COPS8: variants seen among roughly 807,000 people sequenced by gnomAD.
The protein encoded by COPS8 is COP9 signalosome complex subunit 8.
Under a neutral mutation model 31.5 loss-of-function variants are expected in COPS8, and 11 were observed. The ratio of observed to expected loss-of-function variants is 0.35; its 90% CI spans 0.22 to 0.58. The LOEUF is 0.58. COPS8 is among the 20% of genes least tolerant of loss of function. COPS8 has a pLI of 0.83. For synonymous variants in COPS8, 81 were observed against 89.3 expected (o/e 0.91, Z 0.52); for missense variants, 215 against 255.1 (o/e 0.84, Z 1.07).
At chr2:237,087,244 T>C in intron 2 of COPS8, 47 bp downstream of exon 2, 3 of 1,378,460 alleles carry the variant, frequency 2.2e-6, no homozygotes, top group Non-Finnish European at 3.0e-6. Context: ...TTCTCAAAGT[T>C]ATATGGAAAT....
rs762760587 is a variant in COPS8 at position 237,086,048 on chromosome 2, C to G, written c.78+6C>G. 9.3e-6 allele frequency: 15 copies of G among 1,612,246 alleles called. No homozygotes were observed. The highest frequency in any genetic ancestry group is 1.3e-5 in the Non-Finnish European group (15 of 1,178,724). On this transcript the variant is annotated splice_donor_region_variant and intron_variant, in intron 1 of 7. Transcript: ENST00000354371. ...GCGAGAACCAGGAGCTCGAGGTAAC[C>G]CTTTGCGTCGCGCTGGGAGAAACTG...
intron 3 of COPS8, among the ~76,000 whole-genome samples, 182 bp downstream of exon 3, chr2:237,088,835 T>C (rs1696661317): frequency 6.6e-6 from 1 of 152,212 alleles, no homozygotes; most frequent in Non-Finnish European, 1.5e-5. Context: ...TGGGATGGTG[T>C]AGAATTTCTG....
At position 237,099,791 on chromosome 2, in the gene COPS8, G is replaced by A. The variant is rs1296077986; in HGVS notation, c.*2049G>A. 1.3e-5 allele frequency: 2 copies of A among 152,166 alleles called. No individual in the cohort carries two copies. Among genetic ancestry groups the A allele is most frequent in the African/African-American group, 4.8e-5 (2 of 41,446 alleles). 9.4% of individuals were successfully genotyped at this position (152,166 alleles called of 1,614,324 possible). On this transcript the variant is annotated 3_prime_UTR_variant, in exon 8 of 8. Transcript: ENST00000354371. The stretch of plus-strand genomic sequence containing the variant: ...AGCTAATAGTTCCAGGGCAGTAAGT[G>A]TACAAGTTCATATCTGGTACAAGAT...
At chr2:237,088,570 A>G in intron 2 of COPS8, 35 bp from the exon 3 acceptor site, 1 of 1,493,876 alleles carries the variant, frequency 6.7e-7, no homozygotes, top group South Asian at 1.2e-5. Flanking sequence ...TTATGTTTTT[A>G]ATTGATTATT....
intron 4 of COPS8, among the ~76,000 whole-genome samples, chr2:237,091,244 T>C (rs1276942091): frequency 6.6e-6 from 1 of 152,230 alleles, no homozygotes; most frequent in Non-Finnish European, 1.5e-5. Context: ...GGAAAGGCTA[T>C]ATAGCGTACC....
intron 3 of COPS8, among the ~76,000 whole-genome samples, chr2:237,089,433 A>G (rs939252758): frequency 6.6e-6 from 1 of 152,200 alleles, no homozygotes; most frequent in Non-Finnish European, 1.5e-5. Context: ...GAGAGGCTAC[A>G]ATGTATGACA....
rs2106348303 is a variant in COPS8, at chr2:237,098,506, C to A, written c.*764C>A. On this transcript the variant is annotated 3_prime_UTR_variant, in exon 8 of 8. Transcript: ENST00000354371. ...TACACTTTGTACAACTATCCTGCAG[C>A]CCATTGGTTGCTTATATTTATCGCT... The A allele has an allele frequency of 6.6e-6, 1 of 152,322 alleles. No individual in the cohort carries two copies. The highest frequency in any genetic ancestry group is 3.4e-3 in the Middle Eastern group (1 of 294). The allele number at this position is 152,322 out of a possible 1,614,324, so 9.4% of individuals were successfully genotyped here.
chr2:237,086,318 A>G (rs575399962), intron 1 of COPS8, among the ~76,000 whole-genome samples: 2 of 152,102 alleles, frequency 1.3e-5, no homozygotes, highest in African/African-American at 2.4e-5. Context: ...AGCTCATATT[A>G]ATTAGGCATC....
Position 237,097,887 on chromosome 2 carries a change from ATATAC to A in COPS8, c.*150_*154del, listed in dbSNP as rs1329485430. On this transcript the variant is annotated 3_prime_UTR_variant, in exon 8 of 8. Coordinates refer to ENST00000354371, the MANE Select transcript of COPS8 (RefSeq NM_006710.5). The stretch of plus-strand genomic sequence containing the variant: ...TGATAAAATACATATAGAATATAAG[ATATAC>A]TATATACATTTTGTCCATAAACGTT... The A allele has an allele frequency of 1.8e-5, 10 of 556,388 alleles. No homozygotes were observed. Among genetic ancestry groups the A allele is most frequent in the African/African-American group, 3.8e-5 (2 of 52,704 alleles). The allele number at this position is 556,388 out of a possible 1,614,324, so 34.5% of individuals were successfully genotyped here.
At chr2:237,086,888 A>G in intron 1 of COPS8, 2 of 418,574 alleles carry the variant, frequency 4.8e-6, no homozygotes, top group Non-Finnish European at 7.6e-6. Flanking sequence ...CCAAAGGGAG[A>G]TAAATCAAAG....
At chr2:237,089,473 A>G (rs1402548339) in intron 3 of COPS8, among the ~76,000 whole-genome samples, 1 of 152,188 alleles carries the variant, frequency 6.6e-6, no homozygotes, top group African/African-American at 2.4e-5. Flanking sequence ...ATTGTTAACC[A>G]TTTTGCTATT....
chr2:237,086,131 T>A (rs1200415161), intron 1 of COPS8, 89 bp downstream of exon 1: 1 of 1,276,338 alleles, frequency 7.8e-7, no homozygotes, highest in Non-Finnish European at 1.1e-6. Context: ...GGTCTGAGGC[T>A]AGCGGGCTTT....
intron 4 of COPS8, among the ~76,000 whole-genome samples, chr2:237,091,118 G>A (rs183715919): frequency 2.7e-3 from 405 of 152,238 alleles, no homozygotes; most frequent in Non-Finnish European, 5.0e-3. Flanking sequence ...CTCCTTACTC[G>A]TTCAGCAAGC....
Position 237,095,884 on chromosome 2 carries a change from G to T in COPS8, c.502G>T (p.Val168Phe). ...AAGAATGGTTCTGCCCAGAAAGCCAGGTAGGTGGAGCTTTCACCCATTTAC... is the reference window on the plus strand; with the variant it reads ...AAGAATGGTTCTGCCCAGAAAGCCATGTAGGTGGAGCTTTCACCCATTTAC... Reference protein sequence around the residue: ...TTRMVLPRKPVAGALDVSFNK... With the variant: ...TTRMVLPRKPFAGALDVSFNK... The change falls in exon 6 of 8, where the codon GTT (valine) becomes TTT (phenylalanine). Residue 168 changes from valine (V) to phenylalanine (F), a missense_variant and splice_region_variant. By Grantham distance (50) the Val-to-Phe change is conservative. Coordinates refer to ENST00000354371, the MANE Select transcript of COPS8 (RefSeq NM_006710.5). 2 of 1,610,082 alleles carry T rather than the reference G, an allele frequency of 1.2e-6. No homozygotes were observed. The highest frequency in any genetic ancestry group is 1.7e-6 in the Non-Finnish European group (2 of 1,176,376).
chr2:237,094,694 T>G (rs1453726778), intron 5 of COPS8, among the ~76,000 whole-genome samples: 1 of 152,130 alleles, frequency 6.6e-6, no homozygotes, highest in African/African-American at 2.4e-5. Flanking sequence ...CCAGGTGCAG[T>G]GGCTCACACC....
chr2:237,088,563 T>C, intron 2 of COPS8, 42 bp from the exon 3 acceptor site: 1 of 1,435,448 alleles, frequency 7.0e-7, no homozygotes, highest in Non-Finnish European at 9.7e-7. Flanking sequence ...GAGATGATTA[T>C]GTTTTTAATT....
At chr2:237,090,236 T>G (rs2106344884) in intron 4 of COPS8, among the ~76,000 whole-genome samples, 1 of 152,336 alleles carries the variant, frequency 6.6e-6, no homozygotes, top group Non-Finnish European at 1.5e-5. Flanking sequence ...CTCGTCAGTT[T>G]TAAGAGTTTT....
chr2:237,093,770 T>G lies in COPS8; in HGVS notation c.332-320T>G, dbSNP rs531440943. 16 of 1,006,382 alleles carry G rather than the reference T, an allele frequency of 1.6e-5. 1 individual carries two copies. The highest frequency in any genetic ancestry group is 1.9e-5 in the Non-Finnish European group (16 of 844,184). 62.3% of individuals were successfully genotyped at this position (1,006,382 alleles called of 1,614,324 possible). ...GTAAATGAAATAAGATAAGTAAAAT[T>G]TATATCCCCATTGCATAAACATACT... On this transcript the variant is annotated intron_variant, in intron 4 of 7. Coordinates refer to ENST00000354371, the MANE Select transcript of COPS8 (RefSeq NM_006710.5).
At position 237,099,425 on chromosome 2, in the gene COPS8, C is replaced by G. The variant is rs184500638; in HGVS notation, c.*1683C>G. The G allele has an allele frequency of 6.6e-6, 1 of 152,194 alleles. No individual in the cohort carries two copies. The highest frequency in any genetic ancestry group is 2.4e-5 in the African/African-American group (1 of 41,532). The allele number at this position is 152,194 out of a possible 1,614,324, so 9.4% of individuals were successfully genotyped here. On this transcript the variant is annotated 3_prime_UTR_variant, in exon 8 of 8. Coordinates refer to ENST00000354371, the MANE Select transcript of COPS8 (RefSeq NM_006710.5). ...GATCAAACACAATATTTCAATTTTACATTGTCAGTGGGATATACACTAAGG... is the reference window on the plus strand; with the variant it reads ...GATCAAACACAATATTTCAATTTTAGATTGTCAGTGGGATATACACTAAGG...
Sources: allele counts gnomAD v4.1 joint callset (sites outside exome capture counted in the v4.1 genomes callset), GRCh38; gene constraint gnomAD v4.1.1; transcripts MANE v1.5; gene names NCBI Gene and HGNC (gene_info 2026-07-23, HGNC 2026-07-21).